The following PDE10A variants were observed in gnomAD, a reference collection of about 807,000 sequenced individuals.
PDE10A encodes cAMP and cAMP-inhibited cGMP 3',5'-cyclic phosphodiesterase 10A.
A neutral mutation model predicts 97.7 loss-of-function variants in PDE10A; 39 were observed. The ratio of observed to expected loss-of-function variants is 0.40; its 90% CI spans 0.31 to 0.52. PDE10A has a LOEUF of 0.52. Ranked by LOEUF, PDE10A falls within the 20% of genes least tolerant of loss-of-function variation. PDE10A has a pLI of 0.56. For synonymous variants in PDE10A, 371 were observed against 376.8 expected (o/e 0.98, Z 0.18); for missense variants, 731 against 1,047.8 (o/e 0.70, Z 4.17).
At chr6:165,755,420 C>T (rs1793095428) in intron 1 of PDE10A, among the ~76,000 whole-genome samples, 1 of 152,156 alleles carries the variant, frequency 6.6e-6, no homozygotes, top group Non-Finnish European at 1.5e-5. Flanking sequence ...TTGAAATGAT[C>T]CTGCAGAGGG....
chr6:165,954,715 G>C (rs1016227995), intron 1 of PDE10A, among the ~76,000 whole-genome samples: 1 of 152,074 alleles, frequency 6.6e-6, no homozygotes, highest in African/African-American at 2.4e-5. Flanking sequence ...ACCAGGGATC[G>C]CACCAGAAGG....
chr6:165,707,277 C>T (rs1278870982), intron 1 of PDE10A, among the ~76,000 whole-genome samples: 2 of 152,174 alleles, frequency 1.3e-5, no homozygotes, highest in Non-Finnish European at 2.9e-5. Flanking sequence ...TGGCGGGCAG[C>T]TTGGTCCTCT....
chr6:165,874,591 C>T (rs1176366436), intron 1 of PDE10A, among the ~76,000 whole-genome samples: 1 of 151,872 alleles, frequency 6.6e-6, no homozygotes, highest in African/African-American at 2.4e-5. Context: ...AAGCGTTACA[C>T]AAATAATGGT....
chr6:165,610,080 G>C (rs1221678827), intron 1 of PDE10A, among the ~76,000 whole-genome samples: 1 of 152,200 alleles, frequency 6.6e-6, no homozygotes, highest in East Asian at 1.9e-4. Flanking sequence ...TACAAAGCTG[G>C]AGGCATCATG....
intron 17 of PDE10A, among the ~76,000 whole-genome samples, chr6:165,383,721 G>A (rs552745235): frequency 8.5e-5 from 13 of 152,090 alleles, no homozygotes; most frequent in African/African-American, 3.1e-4. Flanking sequence ...AGAAGAAGTG[G>A]GAAGCTAAAC....
intron 1 of PDE10A, among the ~76,000 whole-genome samples, chr6:165,933,539 AT>A (rs1330131398): frequency 6.6e-6 from 1 of 152,178 alleles, no homozygotes; most frequent in African/African-American, 2.4e-5. Flanking sequence ...ATTGCTTCTC[AT>A]TTTTTACATA....
intron 1 of PDE10A, among the ~76,000 whole-genome samples, chr6:165,659,725 C>G (rs1790141972): frequency 6.6e-6 from 1 of 152,232 alleles, no homozygotes; most frequent in Non-Finnish European, 1.5e-5. Context: ...TCTGGTTTCT[C>G]TGATGCACCA....
chr6:165,667,424 TA>T (rs746364989), upstream of PDE10A, among the ~76,000 whole-genome samples: 12 of 152,182 alleles, frequency 7.9e-5, no homozygotes, highest in Non-Finnish European at 1.6e-4. Flanking sequence ...CGTTATGTTT[TA>T]AAGCAAGTAA....
chr6:165,869,627 A>G (rs1781145220), intron 1 of PDE10A, among the ~76,000 whole-genome samples: 1 of 152,112 alleles, frequency 6.6e-6, no homozygotes, highest in African/African-American at 2.4e-5. Flanking sequence ...ACAAAAGACC[A>G]TGAATAGCCA....
intron 1 of PDE10A, among the ~76,000 whole-genome samples, chr6:165,622,334 G>C (rs146582544): frequency 1.3e-5 from 2 of 152,240 alleles, no homozygotes; most frequent in South Asian, 2.1e-4. Flanking sequence ...AAACACGTGA[G>C]AAACGTGTTG....
At chr6:165,796,876 T>C (rs1467607824) in intron 1 of PDE10A, among the ~76,000 whole-genome samples, 1 of 152,190 alleles carries the variant, frequency 6.6e-6, no homozygotes, top group Admixed American at 6.5e-5. Context: ...GGCAATTCTG[T>C]GGGATGTTCC....
intron 5 of PDE10A, among the ~76,000 whole-genome samples, chr6:165,442,982 T>C (rs750953207): frequency 6.6e-6 from 1 of 151,746 alleles, no homozygotes; most frequent in Non-Finnish European, 1.5e-5. Context: ...CATGGTGATA[T>C]GTACCTGTAG....
chr6:165,488,242 T>C (rs1041370093), intron 2 of PDE10A, among the ~76,000 whole-genome samples: 7 of 152,182 alleles, frequency 4.6e-5, no homozygotes, highest in African/African-American at 1.7e-4. Flanking sequence ...TAAATGTCTA[T>C]GCTTGTTAAA....
chr6:165,848,101 T>C (rs11311494), intron 1 of PDE10A, among the ~76,000 whole-genome samples: 5,587 of 134,574 alleles, frequency 0.042, 121 homozygotes, highest in Middle Eastern at 0.057. Flanking sequence ...TTTTTTTTTT[T>C]CTCAGGTTCA....
chr6:165,938,778 A>ACG (rs201640505), intron 1 of PDE10A, among the ~76,000 whole-genome samples: 1 of 152,068 alleles, frequency 6.6e-6, no homozygotes, highest in Non-Finnish European at 1.5e-5. Flanking sequence ...ACACACACAC[A>ACG]CGCACTACAT....
Position 165,878,152 on chromosome 6 carries a change from T to C in PDE10A, c.-615+109377A>G, listed in dbSNP as rs561189286. ...CATGAGACACCAATGCCCTGTTTAC[T>C]ACCCAAAACCTGCCACATTTTACAA... On this transcript the variant is annotated intron_variant, in intron 1 of 19. Transcript: ENST00000366882. Among the ~76,000 whole-genome samples, 5 of 152,322 alleles carry C rather than the reference T, an allele frequency of 3.3e-5. No individual in the cohort carries two copies. The East Asian group carries it at 9.6e-4, about 29-fold the overall frequency.
rs535499715 is a variant in PDE10A at position 165,689,833 on chromosome 6, G to C, written c.-614-146265C>G. Reference sequence around the variant, plus strand: ...CGCTAAAGTGTCCAGCCCATGGTACGAGCTCAATACATGAAGATACAGACT... The same window carrying C: ...CGCTAAAGTGTCCAGCCCATGGTACCAGCTCAATACATGAAGATACAGACT... On this transcript the variant is annotated intron_variant, in intron 1 of 19. Transcript: ENST00000366882. Among the ~76,000 whole-genome samples, 7 of 152,162 alleles carry C rather than the reference G, an allele frequency of 4.6e-5. No homozygotes were observed. In the South Asian group the frequency reaches 1.5e-3, roughly 32 times the overall value.
chr6:165,824,354 T>A (rs559647045), intron 1 of PDE10A, among the ~76,000 whole-genome samples: 1 of 152,336 alleles, frequency 6.6e-6, no homozygotes, highest in African/African-American at 2.4e-5. Context: ...TCAGATAGCA[T>A]GTCGAAATTT....
chr6:165,516,363 C>G (rs1056342494), intron 2 of PDE10A, among the ~76,000 whole-genome samples: 4 of 152,182 alleles, frequency 2.6e-5, no homozygotes, highest in Admixed American at 1.3e-4. Context: ...CATGCTTCCT[C>G]CCTAAATCCC....
Sources: gnomAD v4.1 joint callset for allele counts (sites outside exome capture counted in the v4.1 genomes callset) on GRCh38, gnomAD v4.1.1 for gene constraint, MANE v1.5 for transcripts, NCBI Gene and HGNC (gene_info 2026-07-23, HGNC 2026-07-21) for gene names.